Variants in DYM observed in about 807,000 individuals in gnomAD.
The protein encoded by DYM is dyggve-Melchior-Clausen syndrome protein.
In DYM, 78 loss-of-function variants were observed where a neutral mutation model predicts 93.1. That is an observed-to-expected ratio of 0.84 (90% CI 0.70 to 1.01). The LOEUF is 1.01. Ranked by LOEUF, DYM falls within the 50% of genes least tolerant of loss-of-function variation. DYM has a pLI of 0.00. For synonymous variants in DYM, 321 were observed against 319.7 expected, an observed-to-expected ratio of 1.00 and a Z score of -0.04; for missense variants, 789 against 845.0, an observed-to-expected ratio of 0.93 and a Z score of 0.82.
intron 13 of DYM, among the ~76,000 whole-genome samples, chr18:49,256,392 A>G (rs942949714): frequency 6.6e-6 from 1 of 152,176 alleles, no homozygotes; most frequent in African/African-American, 2.4e-5. Flanking sequence ...TGGCTTTGAT[A>G]ACAGAGGAAG....
chr18:49,326,110 A>G (rs1568253467), intron 8 of DYM, among the ~76,000 whole-genome samples: 1 of 152,228 alleles, frequency 6.6e-6, no homozygotes, highest in Non-Finnish European at 1.5e-5. Flanking sequence ...CTCATGTCTA[A>G]TGAATCAGAA....
rs543424858 is a variant in DYM, at chr18:49,179,769, T to G, written c.1626-15982A>C. Among the ~76,000 whole-genome samples, 9 of 152,266 alleles carry G rather than the reference T, an allele frequency of 5.9e-5. No individual in the cohort carries two copies. The South Asian group carries it at 1.9e-3, about 32-fold the overall frequency. ...CGAAGTATCTACTGCTTCCTCTGTA[T>G]GTAAATGCTTTGATATTTTGTTCAT... On this transcript the variant is annotated intron_variant, in intron 14 of 17. Transcript: ENST00000675505.
chr18:49,082,590 T>G (rs2078154462), intron 17 of DYM, among the ~76,000 whole-genome samples: 1 of 152,180 alleles, frequency 6.6e-6, no homozygotes, highest in Non-Finnish European at 1.5e-5. Flanking sequence ...GATTAAAGTA[T>G]ACACATACAT....
At chr18:49,068,373 T>C (rs1337461593) in intron 17 of DYM, among the ~76,000 whole-genome samples, 1 of 152,238 alleles carries the variant, frequency 6.6e-6, no homozygotes, top group East Asian at 1.9e-4. Flanking sequence ...AGAGAAAGGA[T>C]ATTTTTTGGT....
At chr18:49,102,975 C>A (rs1331184497) in intron 16 of DYM, among the ~76,000 whole-genome samples, 1 of 152,064 alleles carries the variant, frequency 6.6e-6, no homozygotes, top group African/African-American at 2.4e-5. Flanking sequence ...GTTCTAGATC[C>A]TTGAGGAATC....
chr18:49,363,130 T>C (rs2066183097), intron 6 of DYM, 31 bp downstream of exon 6: 2 of 1,580,308 alleles, frequency 1.3e-6, no homozygotes, highest in East Asian at 2.2e-5. Flanking sequence ...ACAAAGAAGA[T>C]AAAACAAATC....
chr18:49,259,331 C>T (rs1040442456), intron 11 of DYM, among the ~76,000 whole-genome samples: 1 of 152,166 alleles, frequency 6.6e-6, no homozygotes, highest in Non-Finnish European at 1.5e-5. Flanking sequence ...TAATGCTGAA[C>T]CAAATCAAGA....
intron 10 of DYM, among the ~76,000 whole-genome samples, chr18:49,275,643 A>C (rs916852199): frequency 6.6e-6 from 1 of 152,054 alleles, no homozygotes; most frequent in African/African-American, 2.4e-5. Context: ...TTAGGAGGCC[A>C]ATGTGGGAGG....
At chr18:49,374,051 A>T (rs2067270372) in intron 5 of DYM, among the ~76,000 whole-genome samples, 1 of 152,220 alleles carries the variant, frequency 6.6e-6, no homozygotes, top group Admixed American at 6.5e-5. Context: ...AAACATATCC[A>T]TCTCTTGAAA....
At chr18:49,275,594 G>C (rs978621878) in intron 10 of DYM, among the ~76,000 whole-genome samples, 2 of 152,068 alleles carry the variant, frequency 1.3e-5, no homozygotes, top group African/African-American at 4.8e-5. Flanking sequence ...ACTGTGATCA[G>C]GGCTGGGTAT....
intron 1 of DYM, among the ~76,000 whole-genome samples, chr18:49,455,722 T>G (rs1444632723): frequency 6.6e-6 from 1 of 151,998 alleles, no homozygotes; most frequent in Non-Finnish European, 1.5e-5. Context: ...GAGGCCGAGG[T>G]GGGTGGATCA....
At chr18:49,126,758 A>G (rs2082873890) in intron 15 of DYM, among the ~76,000 whole-genome samples, 1 of 152,226 alleles carries the variant, frequency 6.6e-6, no homozygotes, top group South Asian at 2.1e-4. Flanking sequence ...CAAAACATCC[A>G]CAAACATATT....
chr18:49,293,974 T>C lies in DYM; in HGVS notation c.764-7358A>G, dbSNP rs140406423. ...GTCTTACATTTAGCTCTTTAATCCA[T>C]CTTGAGTTAATTTTTGTATAAGGTG... is the stretch of plus-strand genomic sequence containing the variant. On this transcript the variant is annotated intron_variant, in intron 8 of 17. Coordinates refer to ENST00000675505, the MANE Select transcript of DYM (RefSeq NM_001353214.3). 1.6e-3 allele frequency among the ~76,000 whole-genome samples: 238 copies of C among 152,326 alleles called. 1 individual carries two copies. Among genetic ancestry groups the C allele is most frequent in the Middle Eastern group, 6.8e-3 (2 of 294 alleles).
chr18:49,293,999 G>C (rs189649149), intron 8 of DYM, among the ~76,000 whole-genome samples: 2 of 152,262 alleles, frequency 1.3e-5, no homozygotes, highest in East Asian at 1.9e-4. Context: ...TGTATAAGGT[G>C]TAAGGAAGGG....
intron 2 of DYM, among the ~76,000 whole-genome samples, chr18:49,428,073 AGAGT>A (rs1057335410): frequency 4.6e-5 from 7 of 152,134 alleles, no homozygotes; most frequent in African/African-American, 1.7e-4. Flanking sequence ...CCTGGGCAAC[AGAGT>A]GAGACCTTGT....
intron 15 of DYM, among the ~76,000 whole-genome samples, chr18:49,145,857 T>G (rs1287044028): frequency 2.6e-5 from 4 of 152,168 alleles, no homozygotes; most frequent in African/African-American, 9.6e-5. Flanking sequence ...TTTCAATATG[T>G]GGTCTATTTT....
intron 1 of DYM, among the ~76,000 whole-genome samples, chr18:49,453,765 C>T (rs556254369): frequency 6.6e-6 from 1 of 152,228 alleles, no homozygotes; most frequent in African/African-American, 2.4e-5. Context: ...TTACTAACAC[C>T]GAGTTTGCTA....
chr18:49,104,129 T>C (rs1421201411), intron 16 of DYM, among the ~76,000 whole-genome samples: 2 of 152,166 alleles, frequency 1.3e-5, no homozygotes, highest in African/African-American at 4.8e-5. Context: ...ATCCTTCACA[T>C]CCCTTGTAAG....
intron 8 of DYM, among the ~76,000 whole-genome samples, chr18:49,317,596 TCCC>T (rs144920853): frequency 0.018 from 550 of 30,994 alleles, 12 homozygotes; most frequent in African/African-American, 0.038. Flanking sequence ...TCTCTCTCTC[TCCC>T]CCCTCCCCCC....
Sources: allele counts gnomAD v4.1 joint callset (sites outside exome capture counted in the v4.1 genomes callset), GRCh38; gene constraint gnomAD v4.1.1; transcripts MANE v1.5; gene names NCBI Gene and HGNC (gene_info 2026-07-23, HGNC 2026-07-21).